The following RGS4 variants were observed in gnomAD, a reference collection of about 807,000 sequenced individuals.
RGS4 encodes regulator of G protein signaling 4.
In RGS4, 15 loss-of-function variants were observed where a neutral mutation model predicts 21.6. That is an observed-to-expected ratio of 0.69 (90% confidence interval 0.46 to 1.07). The LOEUF (loss-of-function observed/expected upper bound fraction) is 1.07. Among genes scored for constraint, RGS4 ranks in the 50% least tolerant of loss-of-function variants. RGS4 has a pLI of 0.00. For synonymous variants in RGS4, 94 were observed against 85.5 expected (o/e 1.10, Z -0.55); for missense variants, 237 against 239.0 (o/e 0.99, Z 0.06).
chr1:163,072,171 GTGGA>G, intron 1 of RGS4: 1 of 1,089,416 alleles, frequency 9.2e-7, no homozygotes, highest in Non-Finnish European at 1.2e-6. Flanking sequence ...AATTCCAGTT[GTGGA>G]TGAAGGAAAT....
rs138120044 is a variant in RGS4, at chr1:163,072,077, T to C, written c.45-318T>C. 297 of 1,048,834 alleles carry C rather than the reference T, an allele frequency of 2.8e-4. 1 individual carries two copies. In the African/African-American group the frequency reaches 4.6e-3, roughly 16 times the overall value. The allele number at this position is 1,048,834 out of a possible 1,614,324, so 65.0% of individuals were successfully genotyped here. On this transcript the variant is annotated intron_variant, in intron 1 of 4. Coordinates refer to ENST00000367909, the MANE Select transcript of RGS4 (RefSeq NM_005613.6). ...CATGTGTTCAGTGATTCAGGTTCTGTTGAAGATACCAAAGATATTCGGTTG... is the reference window on the plus strand; with the variant it reads ...CATGTGTTCAGTGATTCAGGTTCTGCTGAAGATACCAAAGATATTCGGTTG...
Position 163,074,349 on chromosome 1 carries a change from A to C in RGS4, c.407A>C (p.Glu136Ala), listed in dbSNP as rs1279963269. 1 of 1,613,726 alleles carries C rather than the reference A, an allele frequency of 6.2e-7. No individual in the cohort carries two copies. The highest frequency in any genetic ancestry group is 1.7e-5 in the Admixed American group (1 of 59,974). ...AACCTGGATTCTTGCACCAGGGAAG[A>C]GACAAGCCGGAACATGCTAGAGCCT... ...EVNLDSCTRE[E>A]TSRNMLEPTI... Residue 136 changes from glutamate to alanine, a missense_variant, in exon 5 of 5, where the codon GAG (glutamate) becomes GCG (alanine). By Grantham distance (107) the Glu-to-Ala change is moderately radical. Coordinates refer to ENST00000367909, the MANE Select transcript of RGS4 (RefSeq NM_005613.6).
rs1655451919 is a variant in RGS4, at chr1:163,075,079, ATATG to A, written c.*525_*528del. On this transcript the variant is annotated 3_prime_UTR_variant, in exon 5 of 5. Transcript: ENST00000367909. ...TCTGTATATAGATGTCTGTGTATAC[ATATG>A]TATGTGTGAGTGTATGTATACACAC... 5.4e-6 allele frequency: 1 copy of A among 183,898 alleles called. No homozygotes were observed. The highest frequency in any genetic ancestry group is 1.0e-5 in the Non-Finnish European group (1 of 96,062). The allele number at this position is 183,898 out of a possible 1,614,324, so 11.4% of individuals were successfully genotyped here. A position where few individuals can be genotyped will look rare whatever the true frequency, so the allele number is the denominator to read the frequency against.
At position 163,073,448 on chromosome 1, in the gene RGS4, T is replaced by C. The variant is rs1655389648; in HGVS notation, c.212-8T>C. 6.4e-7 allele frequency: 1 copy of C among 1,562,672 alleles called. No individual in the cohort carries two copies. Among genetic ancestry groups the C allele is most frequent in the East Asian group, 2.3e-5 (1 of 44,112 alleles). On this transcript the variant is annotated splice_polypyrimidine_tract_variant and splice_region_variant and intron_variant, in intron 3 of 4. Coordinates refer to ENST00000367909, the MANE Select transcript of RGS4 (RefSeq NM_005613.6). The stretch of plus-strand genomic sequence containing the variant: ...ATGACAACTGTGGTCCTTTCTCCTG[T>C]ATCATAGGTGGGCTGGCAGCTTTCA...
At chr1:163,072,028 C>A (rs1414599383) in intron 1 of RGS4, 2 of 995,324 alleles carry the variant, frequency 2.0e-6, no homozygotes, top group Non-Finnish European at 2.4e-6. Flanking sequence ...CTTTCTGATT[C>A]CTAAAAATTA....
chr1:163,074,012 T>A (rs888351498), intron 4 of RGS4: 7 of 406,134 alleles, frequency 1.7e-5, no homozygotes, highest in African/African-American at 1.4e-4. Context: ...CCCAAATAAA[T>A]CAGTTTTTTA....
rs543942077 is a variant in RGS4, at chr1:163,072,429, C to A, written c.79C>A (p.Leu27Met). The A allele has an allele frequency of 1.5e-5, 24 of 1,613,026 alleles. No individual in the cohort carries two copies. The highest frequency in any genetic ancestry group is 1.9e-5 in the Non-Finnish European group (22 of 1,179,484). Reference protein sequence around the residue: ...KDMKHRLGFLLQKSDSCEHNS... With the variant: ...KDMKHRLGFLMQKSDSCEHNS... ...TATGAAACATCGGCTAGGTTTCCTG[C>A]TGCAAAAATCTGATTCCTGTGAACA... The change falls in exon 2 of 5, where the codon CTG becomes ATG. Residue 27 changes from leucine (L) to methionine (M), a missense_variant. Transcript: ENST00000367909.
chr1:163,069,635 G>A, intron 1 of RGS4, 107 bp downstream of exon 1: 2 of 895,920 alleles, frequency 2.2e-6, no homozygotes, highest in South Asian at 3.4e-5. Flanking sequence ...GAAACAGTGT[G>A]GTCAGGAGAG....
chr1:163,073,398 C>T (rs1655387613), intron 3 of RGS4, 58 bp from the exon 4 acceptor site: 2 of 1,372,482 alleles, frequency 1.5e-6, no homozygotes, highest in South Asian at 1.6e-5. Flanking sequence ...TGTGAAATAG[C>T]ATATCCAAGA....
upstream of RGS4, chr1:163,069,097 A>G: frequency 6.6e-7 from 1 of 1,520,066 alleles, no homozygotes; most frequent in Non-Finnish European, 8.8e-7. Flanking sequence ...GCAGCATTGT[A>G]CACTTTTTTT....
rs2102343414 is a variant in RGS4, at chr1:163,072,428, G to A, written c.78G>A (p.Leu26=). The change falls in exon 2 of 5, where the codon CTG becomes CTA. Residue 26 remains leucine (L), a synonymous_variant. Transcript: ENST00000367909. The part of the protein sequence containing the change: ...AKDMKHRLGF[L]LQKSDSCEHN... ...ATATGAAACATCGGCTAGGTTTCCT[G>A]CTGCAAAAATCTGATTCCTGTGAAC... The A allele has an allele frequency of 1.2e-6, 2 of 1,613,130 alleles. No individual in the cohort carries two copies. Among genetic ancestry groups the A allele is most frequent in the Non-Finnish European group, 1.7e-6 (2 of 1,179,504 alleles).
In RGS4 at chr1:163,076,114, T is replaced by A. The variant is rs1189341243; in HGVS notation, c.*1554T>A. On this transcript the variant is annotated 3_prime_UTR_variant, in exon 5 of 5. Coordinates refer to ENST00000367909, the MANE Select transcript of RGS4 (RefSeq NM_005613.6). ...TTGTTTTATAAATGGAGGTACAGGA[T>A]ATCACCTGAATTATTAATGAATGCC... 2.0e-5 allele frequency: 3 copies of A among 152,630 alleles called. No individual in the cohort carries two copies. 9.5% of individuals were successfully genotyped at this position (152,630 alleles called of 1,614,324 possible).
intron 1 of RGS4, 70 bp from the exon 2 acceptor site, chr1:163,072,325 C>A: frequency 8.2e-7 from 1 of 1,215,326 alleles, no homozygotes; most frequent in Non-Finnish European, 1.2e-6. Flanking sequence ...ACTCTTCAAG[C>A]TCTACCATTA....
chr1:163,068,891 C>T (rs201067248), upstream of RGS4: 13 of 1,360,462 alleles, frequency 9.6e-6, no homozygotes, highest in African/African-American at 1.9e-4. Flanking sequence ...GACGATGATC[C>T]TGCCAGCTCC....
chr1:163,071,234 G>A (rs1463493914), intron 1 of RGS4, among the ~76,000 whole-genome samples: 1 of 152,036 alleles, frequency 6.6e-6, no homozygotes, highest in Non-Finnish European at 1.5e-5. Flanking sequence ...AAGCAGAGGA[G>A]GGAAAGTAAT....
chr1:163,072,151 G>A (rs1458692475), intron 1 of RGS4: 1 of 1,152,206 alleles, frequency 8.7e-7, no homozygotes, highest in Non-Finnish European at 1.1e-6. Flanking sequence ...GAGGTAAACT[G>A]AAGGGTCAGA....
At chr1:163,071,153 C>T (rs1655286908) in intron 1 of RGS4, among the ~76,000 whole-genome samples, 3 of 152,070 alleles carry the variant, frequency 2.0e-5, no homozygotes, top group Middle Eastern at 3.2e-3. Flanking sequence ...TGGAATCACC[C>T]TAACATTCAG....
rs1655427181 is a variant in RGS4 at position 163,074,399 on chromosome 1, CAGA to C, written c.464_466del (p.Lys155del). On this transcript the variant is annotated inframe_deletion, in exon 5 of 5. Coordinates refer to ENST00000367909, the MANE Select transcript of RGS4 (RefSeq NM_005613.6). ...TACAATAACCTGCTTTGATGAGGCC[CAGA>C]AGAAGATTTTCAACCTGATGGAGAA... 1.9e-6 allele frequency: 3 copies of C among 1,613,908 alleles called. No individual in the cohort carries two copies. Among genetic ancestry groups the C allele is most frequent in the Non-Finnish European group, 2.5e-6 (3 of 1,179,844 alleles).
Position 163,073,635 on chromosome 1 carries a change from T to C in RGS4, c.378+13T>C. The C allele has an allele frequency of 1.3e-6, 2 of 1,557,228 alleles. No individual in the cohort carries two copies. Among genetic ancestry groups the C allele is most frequent in the East Asian group, 4.5e-5 (2 of 44,152 alleles). ...GGCAACCAAAGAGGTAGGTTTTTTA[T>C]GGATACATAAAAATTGTACGTATTT... is the stretch of plus-strand genomic sequence containing the variant. On this transcript the variant is annotated intron_variant, in intron 4 of 4. Coordinates refer to ENST00000367909, the MANE Select transcript of RGS4 (RefSeq NM_005613.6).
Sources: allele counts gnomAD v4.1 joint callset (sites outside exome capture counted in the v4.1 genomes callset), GRCh38; gene constraint gnomAD v4.1.1; transcripts MANE v1.5; gene names NCBI Gene and HGNC (gene_info 2026-07-23, HGNC 2026-07-21).